The following NFYC variants were observed in gnomAD, a reference collection of about 807,000 sequenced individuals.
NFYC encodes CAAT box DNA-binding protein subunit C.
NFYC carries 25 observed loss-of-function variants against 53.1 expected under a neutral mutation model. The ratio of observed to expected loss-of-function variants is 0.47; its 90% CI spans 0.34 to 0.66. NFYC has a LOEUF of 0.66. Ranked by LOEUF, NFYC falls within the 30% of genes least tolerant of loss-of-function variation. The probability of loss-of-function intolerance (pLI) is 0.01; values close to 1 mark genes in which losing one functional copy is unlikely to be tolerated. For synonymous variants in NFYC, 145 were observed against 152.6 expected, an observed-to-expected ratio of 0.95 and a Z score of 0.37; for missense variants, 260 against 422.7, an observed-to-expected ratio of 0.62 and a Z score of 3.38.
Position 40,738,958 on chromosome 1 carries a change from A to T in NFYC, c.105+10A>T, listed in dbSNP as rs1241138503. The T allele has an allele frequency of 1.3e-6, 2 of 1,581,530 alleles. No homozygotes were observed. The highest frequency in any genetic ancestry group is 4.5e-5 in the East Asian group (2 of 44,756). ...CCGGAATTTAACAGTGGTGAGGAAG[A>T]ATGAGAAACTTTTATTAGAAACTTT... is the stretch of plus-strand genomic sequence containing the variant. On this transcript the variant is annotated intron_variant, in intron 2 of 9. Transcript: ENST00000447388.
At chr1:40,694,423 G>A (rs1024029824) in intron 1 of NFYC, among the ~76,000 whole-genome samples, 12 of 152,226 alleles carry the variant, frequency 7.9e-5, no homozygotes, top group Non-Finnish European at 1.8e-4. Context: ...ATGTGCTTAG[G>A]TGAAGCCCTC....
At chr1:40,733,819 C>T (rs550849409) in intron 1 of NFYC, among the ~76,000 whole-genome samples, 1 of 152,140 alleles carries the variant, frequency 6.6e-6, no homozygotes, top group Non-Finnish European at 1.5e-5. Flanking sequence ...TCTTGACTCA[C>T]TGCAACCTCC....
intron 1 of NFYC, among the ~76,000 whole-genome samples, chr1:40,728,131 C>G (rs1028268161): frequency 6.6e-6 from 1 of 151,764 alleles, no homozygotes; most frequent in Non-Finnish European, 1.5e-5. Flanking sequence ...CCAGGATGGT[C>G]TCGAACTCCT....
rs141099930 is a variant in NFYC, at chr1:40,771,579, A to G, written c.*751A>G. The G allele has an allele frequency of 4.7e-5, 16 of 343,602 alleles. No individual in the cohort carries two copies. The highest frequency in any genetic ancestry group is 3.6e-4 in the African/African-American group (16 of 44,892). The allele number at this position is 343,602 out of a possible 1,614,324, so 21.3% of individuals were successfully genotyped here. ...TTGCATGGACTTCAAGCTGCATGAA[A>G]TGCAATAAATCTCATTTTAGATAAT... On this transcript the variant is annotated 3_prime_UTR_variant, in exon 10 of 10. Transcript: ENST00000447388.
intron 1 of NFYC, among the ~76,000 whole-genome samples, chr1:40,720,062 TC>T (rs1342562388): frequency 6.6e-6 from 1 of 152,212 alleles, no homozygotes; most frequent in African/African-American, 2.4e-5. Context: ...TGTTCTCAGT[TC>T]CTGACAGCTG....
At chr1:40,755,368 T>G (rs1646154839) in intron 5 of NFYC, among the ~76,000 whole-genome samples, 1 of 152,226 alleles carries the variant, frequency 6.6e-6, no homozygotes, top group African/African-American at 2.4e-5. Flanking sequence ...GTTCTGCCAC[T>G]TGGGGCAACC....
chr1:40,767,842 G>A (rs1278627858), intron 8 of NFYC, among the ~76,000 whole-genome samples: 1 of 152,130 alleles, frequency 6.6e-6, no homozygotes, highest in Non-Finnish European at 1.5e-5. Context: ...TGGGCGTGGT[G>A]GTGCATGCCT....
At chr1:40,696,481 CAA>C (rs1355424647) in intron 1 of NFYC, among the ~76,000 whole-genome samples, 2 of 152,216 alleles carry the variant, frequency 1.3e-5, no homozygotes, top group Admixed American at 6.5e-5. Flanking sequence ...ACTGAGGCTC[CAA>C]AAGAGTGAGA....
At chr1:40,693,088 T>C (rs929601657) in intron 1 of NFYC, among the ~76,000 whole-genome samples, 1 of 152,210 alleles carries the variant, frequency 6.6e-6, no homozygotes, top group African/African-American at 2.4e-5. Context: ...TTGGTTTATT[T>C]CCTTGTATAT....
chr1:40,723,207 G>A (rs1265173570), intron 1 of NFYC: 1 of 152,172 alleles, frequency 6.6e-6, no homozygotes, highest in Non-Finnish European at 1.5e-5. Flanking sequence ...CCCTCTGCTA[G>A]ACACACAAAC....
At chr1:40,723,502 G>T (rs1203933987) in intron 1 of NFYC, among the ~76,000 whole-genome samples, 1 of 152,144 alleles carries the variant, frequency 6.6e-6, no homozygotes, top group Non-Finnish European at 1.5e-5. Context: ...TCTAATTGAG[G>T]ATGAACAGGT....
In NFYC at chr1:40,770,921, C is replaced by A; in HGVS notation, c.*93C>A. 7.2e-7 allele frequency: 1 copy of A among 1,391,790 alleles called. No homozygotes were observed. The highest frequency in any genetic ancestry group is 9.9e-7 in the Non-Finnish European group (1 of 1,007,908). 86.2% of individuals were successfully genotyped at this position (1,391,790 alleles called of 1,614,324 possible). A position where few individuals can be genotyped will look rare whatever the true frequency, so the allele number is the denominator to read the frequency against. Reference sequence around the variant, plus strand: ...CAGCCTTCCTCCCCAGAGGACCCGGCCGACCTCAGCGCCTCCTGCAGGCTA... The same window carrying A: ...CAGCCTTCCTCCCCAGAGGACCCGGACGACCTCAGCGCCTCCTGCAGGCTA... On this transcript the variant is annotated 3_prime_UTR_variant, in exon 10 of 10. Transcript: ENST00000447388. This position sits in a 1 kb window ranked among gnomAD's most constrained non-coding sequence, Gnocchi z 5.3.
chr1:40,694,060 G>T (rs1185786895), intron 1 of NFYC, among the ~76,000 whole-genome samples: 1 of 152,132 alleles, frequency 6.6e-6, no homozygotes, highest in Non-Finnish European at 1.5e-5. Flanking sequence ...TGAAGAATCT[G>T]CATTCCTTAA....
chr1:40,762,936 G>T lies in NFYC; in HGVS notation c.610G>T (p.Val204Phe). 1 of 1,611,488 alleles carries T rather than the reference G, an allele frequency of 6.2e-7. No individual in the cohort carries two copies. Among genetic ancestry groups the T allele is most frequent in the Non-Finnish European group, 8.5e-7 (1 of 1,178,630 alleles). ...QVGEGQQVQI[V>F]QAQPQGQAQQ... ...TGGAGAAGGTCAGCAGGTGCAGATT[G>T]TCCAGGCTCAGCCACAGGGTCAAGC... Residue 204 changes from valine to phenylalanine, a missense_variant, in exon 7 of 10, where the codon GTC (valine) becomes TTC (phenylalanine). By Grantham distance (50) the Val-to-Phe change is conservative (BLOSUM62 -1). Transcript: ENST00000447388.
intron 1 of NFYC, among the ~76,000 whole-genome samples, chr1:40,717,245 G>A (rs1644170240): frequency 6.6e-6 from 1 of 152,188 alleles, no homozygotes; most frequent in Non-Finnish European, 1.5e-5. Flanking sequence ...GAGAAATCCA[G>A]AAATGAGCAT....
At chr1:40,736,308 A>G (rs1017166515) in intron 1 of NFYC, among the ~76,000 whole-genome samples, 1 of 152,238 alleles carries the variant, frequency 6.6e-6, no homozygotes, top group Non-Finnish European at 1.5e-5. Context: ...AAAGAAAAAA[A>G]TCAGAGACCT....
At position 40,765,653 on chromosome 1, in the gene NFYC, A is replaced by G. The variant is rs189348226; in HGVS notation, c.721-943A>G. ...CCGCAGATAGAGACCTAGTCTATCC[A>G]TGCTCCCAGAACCCCTTTCATTTCC... On this transcript the variant is annotated intron_variant, in intron 7 of 9. Transcript: ENST00000447388. Among the ~76,000 whole-genome samples, 88 of 152,250 alleles carry G rather than the reference A, an allele frequency of 5.8e-4. 1 individual carries two copies. Among genetic ancestry groups the G allele is most frequent in the African/African-American group, 2.0e-3 (84 of 41,544 alleles).
intron 1 of NFYC, among the ~76,000 whole-genome samples, chr1:40,703,819 C>T (rs1446595178): frequency 6.6e-6 from 1 of 152,166 alleles, no homozygotes; most frequent in East Asian, 1.9e-4. Context: ...CTACCACATT[C>T]CAGATAATAT....
intron 3 of NFYC, among the ~76,000 whole-genome samples, chr1:40,749,046 A>G (rs1645768594): frequency 6.6e-6 from 1 of 152,178 alleles, no homozygotes; most frequent in Non-Finnish European, 1.5e-5. Context: ...GAAAGTTTAT[A>G]TGGCTTGAGC....
Sources: allele counts gnomAD v4.1 joint callset (sites outside exome capture counted in the v4.1 genomes callset), GRCh38; gene constraint gnomAD v4.1.1; non-coding constraint Gnocchi (gnomAD v3.1); transcripts MANE v1.5; gene names NCBI Gene and HGNC (gene_info 2026-07-23, HGNC 2026-07-21).